PPEF2: variants seen among roughly 807,000 people sequenced by gnomAD.
PPEF2 encodes protein phosphatase with EF-hand domain 2, also known as serine/threonine-protein phosphatase with EF-hands 2.
Under a neutral mutation model 84.7 loss-of-function variants are expected in PPEF2, and 84 were observed. The observed-to-expected ratio is 0.99, with a 90% CI of 0.83 to 1.19. The LOEUF is 1.19. PPEF2 is among the 50% of genes most tolerant of loss of function. The probability of loss-of-function intolerance (pLI) is 0.00; values close to 1 mark genes in which losing one functional copy is unlikely to be tolerated. For synonymous variants in PPEF2, 346 were observed against 345.2 expected (o/e 1.00, Z -0.03); for missense variants, 924 against 937.5 (o/e 0.99, Z 0.19).
chr4:75,888,719 T>A (rs1024121762), intron 5 of PPEF2, among the ~76,000 whole-genome samples: 4 of 152,196 alleles, frequency 2.6e-5, no homozygotes, highest in African/African-American at 9.7e-5. Context: ...ATGAGTTACA[T>A]TCATGTGGAA....
chr4:75,884,018 A>C (rs1724650813), intron 8 of PPEF2, among the ~76,000 whole-genome samples: 2 of 151,934 alleles, frequency 1.3e-5, no homozygotes, highest in South Asian at 4.1e-4. Flanking sequence ...CTGTAATCCC[A>C]GCTACTTGGG....
At chr4:75,861,008 C>T in intron 16 of PPEF2, 88 bp from the exon 17 acceptor site, 3 of 1,445,196 alleles carry the variant, frequency 2.1e-6, no homozygotes, top group South Asian at 2.6e-5. Context: ...CACCTGCTCC[C>T]TACTGCTCAA....
intron 12 of PPEF2, 98 bp from the exon 13 acceptor site, chr4:75,872,265 T>C: frequency 8.5e-7 from 1 of 1,179,750 alleles, no homozygotes; most frequent in Non-Finnish European, 1.2e-6. Flanking sequence ...AGCTGCTGTT[T>C]CTCCTAGTGC....
chr4:75,896,122 G>T, intron 2 of PPEF2, 149 bp downstream of exon 2: 1 of 807,378 alleles, frequency 1.2e-6, no homozygotes, highest in Non-Finnish European at 2.1e-6. Context: ...TGGTGGGCAT[G>T]TCACAAGGAG....
chr4:75,893,446 C>T (rs566512664), intron 2 of PPEF2, among the ~76,000 whole-genome samples: 2 of 151,798 alleles, frequency 1.3e-5, no homozygotes, highest in South Asian at 2.1e-4. Flanking sequence ...TGCAGTGAGC[C>T]GAGATCGTAC....
chr4:75,865,486 C>T (rs1391983900), intron 15 of PPEF2, among the ~76,000 whole-genome samples: 1 of 152,020 alleles, frequency 6.6e-6, no homozygotes, highest in Non-Finnish European at 1.5e-5. Context: ...CTCCTGGGTT[C>T]AAGCAATTCT....
Position 75,866,625 on chromosome 4 carries a change from T to A in PPEF2, c.1757-273A>T, listed in dbSNP as rs956465327. The A allele has an allele frequency of 2.1e-5, 9 of 436,000 alleles. No homozygotes were observed. In the East Asian group the frequency reaches 4.3e-4, roughly 21 times the overall value. 27.0% of individuals were successfully genotyped at this position (436,000 alleles called of 1,614,324 possible). A position where few individuals can be genotyped will look rare whatever the true frequency, so the allele number is the denominator to read the frequency against. ...ATAAAAATTATTTGTTGTCTGTTTG[T>A]CTGTAATTCAAACTTATTGAGGCAT... On this transcript the variant is annotated intron_variant, in intron 14 of 16. Transcript: ENST00000286719.
intron 13 of PPEF2, among the ~76,000 whole-genome samples, chr4:75,870,523 T>C (rs969583006): frequency 1.3e-5 from 2 of 152,180 alleles, no homozygotes; most frequent in Non-Finnish European, 2.9e-5. Flanking sequence ...AATTTCTAAC[T>C]CTGTTAGGCT....
intron 7 of PPEF2, among the ~76,000 whole-genome samples, chr4:75,886,007 C>CT (rs1349153327): frequency 3.5e-5 from 1 of 28,514 alleles, no homozygotes; most frequent in East Asian, 3.9e-3. Flanking sequence ...GAAACTCTGT[C>CT]TTAAAAAAAA....
At chr4:75,887,462 A>G (rs1724757122) in intron 6 of PPEF2, among the ~76,000 whole-genome samples, 1 of 151,990 alleles carries the variant, frequency 6.6e-6, no homozygotes, top group African/African-American at 2.4e-5. Context: ...TCTACTAAAA[A>G]TACAAAAAAT....
At chr4:75,875,418 G>A (rs559640558) in intron 11 of PPEF2, among the ~76,000 whole-genome samples, 2 of 152,202 alleles carry the variant, frequency 1.3e-5, no homozygotes, top group African/African-American at 4.8e-5. Flanking sequence ...AGACCAGCCT[G>A]GGCAACATGG....
At position 75,876,381 on chromosome 4, in the gene PPEF2, A is replaced by T. The variant is rs1292737782; in HGVS notation, c.1226T>A (p.Val409Glu). 1.9e-6 allele frequency: 3 copies of T among 1,614,082 alleles called. No individual in the cohort carries two copies. In the East Asian group the frequency reaches 6.7e-5, roughly 36 times the overall value. Residue 409 changes from valine to glutamate, a missense_variant, in exon 11 of 17, where the codon GTG (valine) becomes GAG (glutamate). Physicochemically the swap from Val to Glu is moderately radical, Grantham distance 121 (BLOSUM62 -2). Transcript: ENST00000286719. ...GGAGGGCTCCTCTTTCTCTCCGGTCACCAGGAGGCCTGCTTGCTGCCGGCA... is the reference window on the plus strand; with the variant it reads ...GGAGGGCTCCTCTTTCTCTCCGGTCTCCAGGAGGCCTGCTTGCTGCCGGCA... ...ERCRQQAGLL[V>E]TGEKEEPSRS...
intron 7 of PPEF2, among the ~76,000 whole-genome samples, chr4:75,886,131 G>T (rs978763478): frequency 6.6e-6 from 1 of 152,186 alleles, no homozygotes; most frequent in African/African-American, 2.4e-5. Flanking sequence ...GTATGTGCTT[G>T]GCTAAGGAGC....
rs1211104708 is a variant in PPEF2 at position 75,900,600 on chromosome 4, CGT to C, written c.-59+1628_-59+1629del. 3.3e-5 allele frequency among the ~76,000 whole-genome samples: 5 copies of C among 152,192 alleles called. No individual in the cohort carries two copies. The East Asian group carries it at 7.7e-4, about 23-fold the overall frequency. ...CTCTGTTATTTATGGATAATGGTAA[CGT>C]CATTACAGGGTTGTTAGGAGTGTGA... On this transcript the variant is annotated intron_variant, in intron 1 of 16. Transcript: ENST00000286719.
Position 75,876,647 on chromosome 4 carries a change from C to T in PPEF2, c.960G>A (p.Thr320=), listed in dbSNP as rs768416534. ...CCATCTGCTTCTCACTCTTCTGTCT[C>T]GTTTTGCACCTCATGGTGGAAACTA... is the stretch of plus-strand genomic sequence containing the variant. The part of the protein sequence containing the change: ...SKIVSTMRCK[T]RQKSEKQMEE... The change falls in exon 11 of 17, where the codon ACG becomes ACA. Residue 320 remains threonine, a synonymous_variant. Transcript: ENST00000286719. The T allele has an allele frequency of 1.2e-5, 18 of 1,562,782 alleles. No individual in the cohort carries two copies. Among genetic ancestry groups the T allele is most frequent in the Non-Finnish European group, 1.5e-5 (17 of 1,154,790 alleles).
Position 75,860,512 on chromosome 4 carries a change from C to T in PPEF2, c.*155G>A. On this transcript the variant is annotated 3_prime_UTR_variant, in exon 17 of 17. Coordinates refer to ENST00000286719, the MANE Select transcript of PPEF2 (RefSeq NM_006239.3). Reference sequence around the variant, plus strand: ...AACACATACATACACAACACCCCAACCCACCCCTCCACACTGAAATACACA... The same window carrying T: ...AACACATACATACACAACACCCCAATCCACCCCTCCACACTGAAATACACA... The T allele has an allele frequency of 1.0e-6, 1 of 968,100 alleles. No homozygotes were observed. The highest frequency in any genetic ancestry group is 1.5e-6 in the Non-Finnish European group (1 of 665,908). The allele number at this position is 968,100 out of a possible 1,614,324, so 60.0% of individuals were successfully genotyped here.
chr4:75,878,958 G>T (rs1028182973), intron 10 of PPEF2, among the ~76,000 whole-genome samples: 1 of 152,170 alleles, frequency 6.6e-6, no homozygotes, highest in African/African-American at 2.4e-5. Context: ...CTTGTTAGAA[G>T]ATGGTTTATT....
intron 14 of PPEF2, among the ~76,000 whole-genome samples, chr4:75,866,753 A>T (rs1438209730): frequency 6.6e-6 from 1 of 152,066 alleles, no homozygotes; most frequent in African/African-American, 2.4e-5. Flanking sequence ...TTGGTTATTT[A>T]AAAAAAATTA....
At chr4:75,900,904 CA>C (rs1300079196) in intron 1 of PPEF2, among the ~76,000 whole-genome samples, 1 of 151,870 alleles carries the variant, frequency 6.6e-6, no homozygotes, top group Non-Finnish European at 1.5e-5. Context: ...TGAAGAAAAG[CA>C]AATTCCAGAA....
Sources: allele counts gnomAD v4.1 joint callset (sites outside exome capture counted in the v4.1 genomes callset), GRCh38; gene constraint gnomAD v4.1.1; transcripts MANE v1.5; gene names NCBI Gene and HGNC (gene_info 2026-07-23, HGNC 2026-07-21).